ZFAND6: variants seen among roughly 807,000 people sequenced by gnomAD.
ZFAND6 encodes AN1-type zinc finger protein 6.
A neutral mutation model predicts 24.5 loss-of-function variants in ZFAND6; 12 were observed. The ratio of observed to expected loss-of-function variants is 0.49; its 90% CI spans 0.31 to 0.79. ZFAND6 has a LOEUF of 0.79. Among genes scored for constraint, ZFAND6 ranks in the 30% least tolerant of loss-of-function variants. The pLI is 0.04. For missense variants in ZFAND6, 207 were observed against 245.9 expected (o/e 0.84, Z 1.06); for synonymous variants, 92 against 81.5 (o/e 1.13, Z -0.69).
chr15:80,061,484 C>G (rs1316071824), intron 1 of ZFAND6, among the ~76,000 whole-genome samples: 2 of 152,108 alleles, frequency 1.3e-5, no homozygotes, highest in Non-Finnish European at 2.9e-5. Context: ...CTAAAACTTG[C>G]ATTTGTCTAT....
chr15:80,101,493 C>G (rs2039027530), intron 2 of ZFAND6, among the ~76,000 whole-genome samples: 1 of 152,000 alleles, frequency 6.6e-6, no homozygotes, highest in African/African-American at 2.4e-5. Flanking sequence ...TCTTTACTCC[C>G]CTGCCTTCCT....
intron 3 of ZFAND6, 163 bp downstream of exon 3, chr15:80,120,661 G>A: frequency 6.3e-6 from 3 of 472,510 alleles, no homozygotes; most frequent in Non-Finnish European, 1.0e-5. Context: ...GTAGTGAGGA[G>A]TTAGGAATGA....
At chr15:80,105,276 A>G (rs573076024) in intron 2 of ZFAND6, among the ~76,000 whole-genome samples, 58 of 152,328 alleles carry the variant, frequency 3.8e-4, no homozygotes, top group Middle Eastern at 6.8e-3. Context: ...AAACCATTCC[A>G]TCACACTTTT....
chr15:80,061,371 A>C (rs1477795353), intron 1 of ZFAND6, among the ~76,000 whole-genome samples: 1 of 152,202 alleles, frequency 6.6e-6, no homozygotes, highest in Non-Finnish European at 1.5e-5. Context: ...AGAAGTAACC[A>C]AAATATATTT....
At chr15:80,111,476 C>T (rs548286666) in intron 2 of ZFAND6, 11 of 455,100 alleles carry the variant, frequency 2.4e-5, no homozygotes, top group South Asian at 6.2e-5. Context: ...TTGGTGGAGT[C>T]GCCGGTAGCC....
intron 1 of ZFAND6, among the ~76,000 whole-genome samples, chr15:80,072,200 T>A (rs564797972): frequency 9.5e-4 from 145 of 152,244 alleles, no homozygotes; most frequent in African/African-American, 3.3e-3. Flanking sequence ...AAATAATCTG[T>A]CTTTAAAGCA....
chr15:80,136,358 G>A (rs913245805), intron 6 of ZFAND6, among the ~76,000 whole-genome samples: 6 of 151,930 alleles, frequency 3.9e-5, no homozygotes, highest in South Asian at 4.2e-4. Context: ...CCAGCTACTC[G>A]GGAGACTGAG....
intron 2 of ZFAND6, among the ~76,000 whole-genome samples, chr15:80,116,498 A>AT (rs1395342592): frequency 3.9e-5 from 6 of 152,174 alleles, no homozygotes; most frequent in Non-Finnish European, 5.9e-5. Context: ...ATTTTTGCAG[A>AT]TTTTTTAAAA....
At chr15:80,076,045 CTG>C (rs933423276) in intron 1 of ZFAND6, among the ~76,000 whole-genome samples, 46 of 152,100 alleles carry the variant, frequency 3.0e-4, no homozygotes, top group African/African-American at 1.1e-3. Flanking sequence ...TTAGTGATCT[CTG>C]TGTCTTTTGC....
chr15:80,119,823 C>T (rs2040068095), intron 2 of ZFAND6, among the ~76,000 whole-genome samples: 1 of 152,134 alleles, frequency 6.6e-6, no homozygotes, highest in Admixed American at 6.5e-5. Flanking sequence ...TATCATTTTA[C>T]AAGCATTCAG....
chr15:80,066,916 A>AAT (rs2036680451), intron 1 of ZFAND6, among the ~76,000 whole-genome samples: 1 of 150,794 alleles, frequency 6.6e-6, no homozygotes, highest in African/African-American at 2.5e-5. Context: ...AAAAAAAAAA[A>AAT]TTGCAAACAG....
At chr15:80,075,285 T>C (rs942292623) in intron 1 of ZFAND6, 5 of 243,574 alleles carry the variant, frequency 2.1e-5, no homozygotes, top group Non-Finnish European at 4.2e-5. Context: ...TTAATAAAAT[T>C]TAATGTTATT....
intron 2 of ZFAND6, chr15:80,112,706 T>A (rs2039670896): frequency 4.5e-6 from 2 of 449,174 alleles, no homozygotes; most frequent in Middle Eastern, 3.3e-4. Context: ...AGATTTTTTT[T>A]ATCATCTCTG....
chr15:80,088,528 T>C (rs1473605150), intron 1 of ZFAND6, among the ~76,000 whole-genome samples: 1 of 152,154 alleles, frequency 6.6e-6, no homozygotes, highest in Non-Finnish European at 1.5e-5. Context: ...ATTGTGCCAC[T>C]GCACTCCAGC....
chr15:80,127,839 C>T (rs1405508562), intron 5 of ZFAND6, among the ~76,000 whole-genome samples: 1 of 152,148 alleles, frequency 6.6e-6, no homozygotes. Context: ...GCATTTTTCT[C>T]CTGATTGCCA....
chr15:80,083,152 T>C (rs1476372086), intron 1 of ZFAND6, among the ~76,000 whole-genome samples: 1 of 152,058 alleles, frequency 6.6e-6, no homozygotes. Context: ...CCACCACGCC[T>C]GGCTAATTTT....
intron 4 of ZFAND6, 43 bp downstream of exon 4, chr15:80,121,863 A>G: frequency 6.7e-7 from 1 of 1,502,092 alleles, no homozygotes; most frequent in South Asian, 1.2e-5. Flanking sequence ...GCTAATAAAA[A>G]CTAAAGAGTA....
intron 1 of ZFAND6, among the ~76,000 whole-genome samples, chr15:80,082,928 T>C (rs1290869773): frequency 2.6e-5 from 4 of 152,184 alleles, no homozygotes; most frequent in African/African-American, 9.7e-5. Context: ...GGATATGGGA[T>C]AGAAAAAATG....
intron 1 of ZFAND6, among the ~76,000 whole-genome samples, chr15:80,061,585 T>G (rs1343616044): frequency 6.6e-6 from 1 of 152,234 alleles, no homozygotes; most frequent in Non-Finnish European, 1.5e-5. Context: ...ATGCCGAAAC[T>G]GTGTGGCATT....
Sources: allele counts gnomAD v4.1 joint callset (sites outside exome capture counted in the v4.1 genomes callset), GRCh38; gene constraint gnomAD v4.1.1; transcripts MANE v1.5; gene names NCBI Gene and HGNC (gene_info 2026-07-23, HGNC 2026-07-21).